The following THRB variants were observed in gnomAD, a reference collection of about 807,000 sequenced individuals.
THRB encodes the protein thyroid hormone receptor beta.
In THRB, 12 loss-of-function variants were observed where a neutral mutation model predicts 47.8. That is an observed-to-expected ratio of 0.25 (90% CI 0.16 to 0.41). The LOEUF is 0.41. Among genes scored for constraint, THRB ranks in the 10% least tolerant of loss-of-function variants. THRB has a pLI of 1.00. For missense variants in THRB, 348 were observed against 589.2 expected, an observed-to-expected ratio of 0.59 and a Z score of 4.24; for synonymous variants, 218 against 212.2, an observed-to-expected ratio of 1.03 and a Z score of -0.24.
intron 2 of THRB, among the ~76,000 whole-genome samples, chr3:24,299,576 C>G (rs754840233): frequency 2.6e-5 from 4 of 151,870 alleles, no homozygotes; most frequent in Non-Finnish European, 5.9e-5. Context: ...CTGTTTTTCA[C>G]AGATTACCAA....
chr3:24,151,348 C>A (rs1456834965), intron 6 of THRB, among the ~76,000 whole-genome samples: 2 of 151,934 alleles, frequency 1.3e-5, no homozygotes, highest in Admixed American at 6.6e-5. Context: ...GCTTTACGAG[C>A]AAGGGTATGA....
chr3:24,190,174 G>A lies in THRB; in HGVS notation c.183C>T (p.Thr61=), dbSNP rs780498194. ...NEQSSPHLIQ[T]TWTSSIFHLD... ...GATGGAATATTGAGCTAGTCCAAGTGGTCTGGATGAGATGTGGCGACGACT... is the reference window on the plus strand; with the variant it reads ...GATGGAATATTGAGCTAGTCCAAGTAGTCTGGATGAGATGTGGCGACGACT... The change falls in exon 5 of 11, where the codon ACC becomes ACT. Residue 61 remains threonine (T), a synonymous_variant. Coordinates refer to ENST00000646209, the MANE Select transcript of THRB (RefSeq NM_001354712.2). The A allele has an allele frequency of 1.9e-6, 3 of 1,614,100 alleles. No individual in the cohort carries two copies. The highest frequency in any genetic ancestry group is 2.5e-6 in the Non-Finnish European group (3 of 1,179,984).
At chr3:24,380,200 C>G (rs2065596908) in intron 1 of THRB, among the ~76,000 whole-genome samples, 1 of 149,686 alleles carries the variant, frequency 6.7e-6, no homozygotes, top group Non-Finnish European at 1.5e-5. Context: ...CTTTCTCCCT[C>G]TCTTCATTTT....
chr3:24,284,357 C>T (rs1220424976), intron 3 of THRB, among the ~76,000 whole-genome samples: 1 of 150,808 alleles, frequency 6.6e-6, no homozygotes, highest in African/African-American at 2.4e-5. Flanking sequence ...ATCAATGGTG[C>T]TGGGAAAACT....
chr3:24,482,219 T>A (rs1401651106), intron 1 of THRB, among the ~76,000 whole-genome samples: 1 of 152,190 alleles, frequency 6.6e-6, no homozygotes, highest in Non-Finnish European at 1.5e-5. Flanking sequence ...GAAATAGTAA[T>A]AAAATTGTTT....
intron 1 of THRB, among the ~76,000 whole-genome samples, chr3:24,419,967 T>G (rs2069092448): frequency 1.3e-5 from 2 of 151,824 alleles, no homozygotes. Flanking sequence ...GAATCGAGGC[T>G]CCACCTCTTC....
intron 3 of THRB, among the ~76,000 whole-genome samples, chr3:24,266,915 AAG>A (rs1276795622): frequency 2.6e-5 from 4 of 152,166 alleles, no homozygotes; most frequent in Non-Finnish European, 4.4e-5. Context: ...ACGAGGAAGG[AAG>A]AGAGGGAGGA....
chr3:24,259,482 C>T (rs1393870047), intron 3 of THRB, among the ~76,000 whole-genome samples: 1 of 152,150 alleles, frequency 6.6e-6, no homozygotes, highest in East Asian at 1.9e-4. Context: ...GAGAGAGGAA[C>T]ACACCGCCTT....
intron 1 of THRB, among the ~76,000 whole-genome samples, chr3:24,477,090 G>GTT (rs1309725172): frequency 7.5e-6 from 1 of 133,710 alleles, no homozygotes; most frequent in African/African-American, 3.1e-5. Context: ...AAAGGGGTGT[G>GTT]TGTGTGTGTG....
chr3:24,393,033 A>G (rs11129152), intron 1 of THRB, among the ~76,000 whole-genome samples: 57,976 of 151,972 alleles, frequency 0.38, 12,755 homozygotes, highest in South Asian at 0.48. Context: ...TGTTGTTCCC[A>G]ATTTTTGACA....
intron 5 of THRB, among the ~76,000 whole-genome samples, chr3:24,160,510 A>T (rs1335318939): frequency 6.6e-6 from 1 of 152,168 alleles, no homozygotes; most frequent in Admixed American, 6.5e-5. Context: ...TCAAAAGCAC[A>T]TTCTGGGAGT....
At chr3:24,251,321 A>C (rs78610309) in intron 3 of THRB, among the ~76,000 whole-genome samples, 298 of 152,254 alleles carry the variant, frequency 2.0e-3, no homozygotes, top group African/African-American at 6.9e-3. Flanking sequence ...CTGAAAGAGA[A>C]ATTAATAAAA....
intron 3 of THRB, among the ~76,000 whole-genome samples, chr3:24,232,198 C>G (rs1042490502): frequency 1.3e-5 from 2 of 152,166 alleles, no homozygotes; most frequent in Non-Finnish European, 2.9e-5. Flanking sequence ...AACTGCTACC[C>G]AAGTAGAGAA....
chr3:24,490,690 G>A (rs887086597), intron 1 of THRB, among the ~76,000 whole-genome samples: 6 of 152,100 alleles, frequency 3.9e-5, no homozygotes, highest in Admixed American at 2.0e-4. Context: ...CAAGTACCTC[G>A]TTGTCCTGTC....
intron 5 of THRB, among the ~76,000 whole-genome samples, chr3:24,185,865 T>A (rs1293623085): frequency 6.6e-6 from 1 of 152,136 alleles, no homozygotes; most frequent in African/African-American, 2.4e-5. Flanking sequence ...TGAAGCCTTG[T>A]AAGACTTCAG....
chr3:24,202,239 T>A (rs2044677091), intron 4 of THRB, among the ~76,000 whole-genome samples: 1 of 152,242 alleles, frequency 6.6e-6, no homozygotes, highest in South Asian at 2.1e-4. Flanking sequence ...AGAGCTGGGA[T>A]GAGTCTTGTG....
chr3:24,414,787 T>C (rs1051093201), intron 1 of THRB, among the ~76,000 whole-genome samples: 2 of 151,886 alleles, frequency 1.3e-5, no homozygotes, highest in Non-Finnish European at 2.9e-5. Context: ...TTTGCATGAA[T>C]ACTGTATTAT....
chr3:24,139,871 G>C (rs2035213312), intron 8 of THRB, among the ~76,000 whole-genome samples: 1 of 152,162 alleles, frequency 6.6e-6, no homozygotes, highest in South Asian at 2.1e-4. Context: ...TTGTTAACAT[G>C]ATAGGCCTCC....
intron 1 of THRB, among the ~76,000 whole-genome samples, chr3:24,340,889 G>A (rs1357726142): frequency 6.6e-6 from 1 of 152,138 alleles, no homozygotes; most frequent in Non-Finnish European, 1.5e-5. Context: ...GGTAGGTAAA[G>A]CTGTAAATCT....
Sources: allele counts gnomAD v4.1 joint callset (sites outside exome capture counted in the v4.1 genomes callset), GRCh38; gene constraint gnomAD v4.1.1; transcripts MANE v1.5; gene names NCBI Gene and HGNC (gene_info 2026-07-23, HGNC 2026-07-21).